NAALADL2: variants seen among roughly 807,000 people sequenced by gnomAD.
NAALADL2 encodes N-acetylated alpha-linked acidic dipeptidase like 2, also known as inactive N-acetylated-alpha-linked acidic dipeptidase-like protein 2.
In NAALADL2, 76 loss-of-function variants were observed where a neutral mutation model predicts 87.2. The observed-to-expected ratio is 0.87, with a 90% CI of 0.72 to 1.05. The LOEUF is 1.05. NAALADL2 is among the 50% of genes least tolerant of loss of function. NAALADL2 has a pLI of 0.00. For missense variants in NAALADL2, 1,089 were observed against 945.8 expected, an observed-to-expected ratio of 1.15 and a Z score of -1.99; for synonymous variants, 354 against 331.0, an observed-to-expected ratio of 1.07 and a Z score of -0.75.
chr3:175,410,346 C>T (rs1192023021), intron 5 of NAALADL2, among the ~76,000 whole-genome samples: 2 of 152,248 alleles, frequency 1.3e-5, no homozygotes, highest in East Asian at 1.9e-4. Context: ...GAAATGATCT[C>T]TTAAGTTTCA....
chr3:175,205,554 A>G (rs960572983), intron 2 of NAALADL2, among the ~76,000 whole-genome samples: 1 of 152,186 alleles, frequency 6.6e-6, no homozygotes, highest in African/African-American at 2.4e-5. Context: ...TTCATGAACA[A>G]GAACCCAAAA....
chr3:174,917,909 C>G (rs1734626178), intron 1 of NAALADL2, among the ~76,000 whole-genome samples: 1 of 151,916 alleles, frequency 6.6e-6, no homozygotes, highest in African/African-American at 2.4e-5. Context: ...TGATAATTTA[C>G]TTTGTATATT....
intron 2 of NAALADL2, among the ~76,000 whole-genome samples, chr3:175,161,701 T>C (rs1004823254): frequency 2.0e-5 from 3 of 152,004 alleles, no homozygotes; most frequent in Non-Finnish European, 4.4e-5. Flanking sequence ...ATTACTTTTT[T>C]TGGTTTGCCC....
intron 4 of NAALADL2, among the ~76,000 whole-genome samples, chr3:175,305,681 C>A (rs1238319629): frequency 1.3e-5 from 2 of 152,046 alleles, no homozygotes; most frequent in African/African-American, 4.8e-5. Flanking sequence ...CACCACCACG[C>A]CCGGCTAATT....
chr3:174,459,189 T>C (rs1716045587), intron 1 of NAALADL2: 1 of 152,210 alleles, frequency 6.6e-6, no homozygotes, highest in African/African-American at 2.4e-5. Context: ...TGGTAGTCCT[T>C]TTATGTCTTT....
At chr3:175,678,443 T>C (rs531668308) in intron 11 of NAALADL2, among the ~76,000 whole-genome samples, 1 of 152,288 alleles carries the variant, frequency 6.6e-6, no homozygotes, top group South Asian at 2.1e-4. Flanking sequence ...ATTGTGGCAC[T>C]ATTCACAATA....
intron 10 of NAALADL2, among the ~76,000 whole-genome samples, chr3:175,593,487 T>A (rs953384886): frequency 3.3e-5 from 5 of 152,150 alleles, no homozygotes; most frequent in African/African-American, 1.2e-4. Context: ...TCTTGGAGTT[T>A]CCAAAGTCCC....
At chr3:175,398,433 T>C (rs1770118754) in intron 5 of NAALADL2, among the ~76,000 whole-genome samples, 1 of 150,732 alleles carries the variant, frequency 6.6e-6, no homozygotes, top group African/African-American at 2.4e-5. Flanking sequence ...TCTGCTAATC[T>C]GTATCCACAT....
At chr3:174,954,734 G>A (rs948332076) in intron 1 of NAALADL2, among the ~76,000 whole-genome samples, 10 of 152,050 alleles carry the variant, frequency 6.6e-5, no homozygotes, top group Non-Finnish European at 1.3e-4. Context: ...ATGGAGAGTA[G>A]CCTAGTCAAA....
chr3:174,852,492 G>A (rs537391702), intron 3 of NAALADL2, among the ~76,000 whole-genome samples: 6 of 151,928 alleles, frequency 3.9e-5, no homozygotes, highest in African/African-American at 1.2e-4. Context: ...TAAATACTTT[G>A]GAATAAACTT....
chr3:174,828,167 C>CACACA lies in NAALADL2; in HGVS notation c.-9+90445_-9+90449dup, dbSNP rs141062835. On this transcript the variant is annotated intron_variant, in intron 3 of 3. Coordinates refer to the NAALADL2 transcript ENST00000434257. ...AAGACCTTGTCTCTGAAACCAACCA[C>CACACA]ACACAACACAACACAACACAACACA... Among the ~76,000 whole-genome samples the CACACA allele has an allele frequency of 4.4e-3, 660 of 151,690 alleles. 8 individuals are homozygous for CACACA. The highest frequency in any genetic ancestry group is 0.031 in the Middle Eastern group (9 of 292).
chr3:175,059,153 A>G (rs1712884962), intron 1 of NAALADL2, among the ~76,000 whole-genome samples: 1 of 150,314 alleles, frequency 6.7e-6, no homozygotes, highest in South Asian at 2.1e-4. Context: ...TGCTGTGTGT[A>G]CGTATTTCTT....
chr3:174,514,950 C>A (rs1383290410), intron 1 of NAALADL2, among the ~76,000 whole-genome samples: 1 of 151,980 alleles, frequency 6.6e-6, no homozygotes, highest in East Asian at 1.9e-4. Flanking sequence ...GTGATAATAC[C>A]TAGTTGAGGT....
chr3:175,393,106 C>A (rs1036899964), intron 5 of NAALADL2, among the ~76,000 whole-genome samples: 1 of 151,084 alleles, frequency 6.6e-6, no homozygotes, highest in African/African-American at 2.4e-5. Flanking sequence ...AACCCCGTCT[C>A]TACTAAAAAT....
intron 9 of NAALADL2, among the ~76,000 whole-genome samples, chr3:175,539,968 CT>C (rs1415037653): frequency 2.6e-5 from 4 of 152,142 alleles, no homozygotes; most frequent in African/African-American, 9.7e-5. Context: ...AAAAAGTACA[CT>C]TCATAAAATT....
chr3:174,533,071 TTCCTC>T (rs745861134), intron 1 of NAALADL2, among the ~76,000 whole-genome samples: 8 of 140,064 alleles, frequency 5.7e-5, no homozygotes, highest in Non-Finnish European at 1.1e-4. Flanking sequence ...CCCTTACCCT[TTCCTC>T]TCCACTTTCT....
intron 2 of NAALADL2, among the ~76,000 whole-genome samples, chr3:175,135,157 T>C (rs1386240175): frequency 6.6e-6 from 1 of 152,166 alleles, no homozygotes; most frequent in Non-Finnish European, 1.5e-5. Context: ...ACGTTTATGC[T>C]TAAAATCGCT....
chr3:174,810,056 G>A (rs968392638), intron 3 of NAALADL2, among the ~76,000 whole-genome samples: 12 of 152,158 alleles, frequency 7.9e-5, no homozygotes, highest in Admixed American at 3.9e-4. Flanking sequence ...AGCAGATGCT[G>A]CCATGCTTCC....
chr3:175,102,568 CTT>C (rs1365809331), intron 2 of NAALADL2, among the ~76,000 whole-genome samples: 1 of 152,066 alleles, frequency 6.6e-6, no homozygotes, highest in Non-Finnish European at 1.5e-5. Flanking sequence ...TACGCCATCT[CTT>C]TGGATTTCTC....
Sources: gnomAD v4.1 joint callset for allele counts (sites outside exome capture counted in the v4.1 genomes callset) on GRCh38, gnomAD v4.1.1 for gene constraint, MANE v1.5 for transcripts, NCBI Gene and HGNC (gene_info 2026-07-23, HGNC 2026-07-21) for gene names.